LRP1B: variants seen among roughly 807,000 people sequenced by gnomAD.
LRP1B encodes the protein low-density lipoprotein receptor-related protein 1B.
LRP1B carries 217 observed loss-of-function variants against 556.6 expected under a neutral mutation model. The observed-to-expected ratio is 0.39, with a 90% CI of 0.35 to 0.44. The LOEUF (loss-of-function observed/expected upper bound fraction) is 0.44. LRP1B is among the 20% of genes least tolerant of loss of function. LRP1B has a pLI of 1.00. For missense variants in LRP1B, 5,053 were observed against 5,620.8 expected (o/e 0.90, Z 3.23); for synonymous variants, 2,047 against 1,865.8 (o/e 1.10, Z -2.50).
intron 31 of LRP1B, among the ~76,000 whole-genome samples, chr2:140,827,504 A>G (rs1321623295): frequency 1.3e-5 from 2 of 152,070 alleles, no homozygotes; most frequent in African/African-American, 4.8e-5. Context: ...AGGCAACAGC[A>G]GAATGGATCA....
intron 81 of LRP1B, among the ~76,000 whole-genome samples, chr2:140,322,553 T>TA (rs1680199287): frequency 8.6e-6 from 1 of 116,798 alleles, no homozygotes; most frequent in Non-Finnish European, 1.8e-5. Context: ...AGGATGAAAA[T>TA]GCATATGTAG....
rs115572823 is a variant in LRP1B, at chr2:141,934,198, A to G, written c.83-123797T>C. 8.3e-3 allele frequency among the ~76,000 whole-genome samples: 1,269 copies of G among 152,198 alleles called. 19 individuals are homozygous for G. The highest frequency in any genetic ancestry group is 0.028 in the African/African-American group (1,169 of 41,544). On this transcript the variant is annotated intron_variant, in intron 1 of 90. Coordinates refer to ENST00000389484, the MANE Select transcript of LRP1B (RefSeq NM_018557.3). ...GTTGATGACAGAATCAGTGAACTGG[A>G]AAATAAATCAATAGGAATCATAGAG...
At chr2:142,008,386 A>G (rs1702859904) in intron 1 of LRP1B, among the ~76,000 whole-genome samples, 2 of 152,200 alleles carry the variant, frequency 1.3e-5, no homozygotes, top group African/African-American at 4.8e-5. Context: ...TTCCTAGTGT[A>G]TAGAAAATGC....
rs142881345 is a variant in LRP1B at position 141,557,719 on chromosome 2, G to A, written c.206-77186C>T. On this transcript the variant is annotated intron_variant, in intron 2 of 90. Coordinates refer to ENST00000389484, the MANE Select transcript of LRP1B (RefSeq NM_018557.3). The stretch of plus-strand genomic sequence containing the variant: ...TTGTGGAATAAACCTTCCTATTCCC[G>A]CAGAGGGCCACCCTGCCTCTAGACT... Among the ~76,000 whole-genome samples, 85 of 152,012 alleles carry A rather than the reference G, an allele frequency of 5.6e-4. 1 individual carries two copies. Among genetic ancestry groups the A allele is most frequent in the East Asian group, 5.2e-3 (27 of 5,164 alleles).
intron 17 of LRP1B, among the ~76,000 whole-genome samples, chr2:140,982,579 G>T (rs1696803549): frequency 6.6e-6 from 1 of 152,052 alleles, no homozygotes; most frequent in Non-Finnish European, 1.5e-5. Context: ...CCCAGCACAT[G>T]CTTATGAATA....
At chr2:141,983,640 C>G (rs1190554513) in intron 1 of LRP1B, among the ~76,000 whole-genome samples, 1 of 152,112 alleles carries the variant, frequency 6.6e-6, no homozygotes, top group Admixed American at 6.6e-5. Flanking sequence ...ACATTTTTAA[C>G]AGTGAAAATC....
intron 3 of LRP1B, among the ~76,000 whole-genome samples, chr2:141,373,121 A>T (rs1689293879): frequency 6.6e-6 from 1 of 152,050 alleles, no homozygotes; most frequent in African/African-American, 2.4e-5. Flanking sequence ...CAAGAGCATG[A>T]TGTTTAATTT....
intron 43 of LRP1B, among the ~76,000 whole-genome samples, chr2:140,586,416 T>C (rs539385152): frequency 6.6e-6 from 1 of 152,176 alleles, no homozygotes. Context: ...AACTTTACTA[T>C]AGCCAGCCAC....
At chr2:141,123,948 A>T (rs1701131095) in intron 7 of LRP1B, among the ~76,000 whole-genome samples, 1 of 152,056 alleles carries the variant, frequency 6.6e-6, no homozygotes, top group East Asian at 1.9e-4. Flanking sequence ...TATAAGTGAT[A>T]GAGTAAATTG....
At chr2:142,053,837 AAGTG>A (rs1441363801) in intron 1 of LRP1B, among the ~76,000 whole-genome samples, 2 of 152,198 alleles carry the variant, frequency 1.3e-5, no homozygotes, top group Non-Finnish European at 2.9e-5. Flanking sequence ...ACTAAGAGTT[AAGTG>A]AGTAAGTCAG....
chr2:141,551,626 GACCATTCTTATAATTGGCTAC>G (rs1452520254), intron 2 of LRP1B, among the ~76,000 whole-genome samples: 2 of 151,980 alleles, frequency 1.3e-5, no homozygotes, highest in Admixed American at 1.3e-4. Context: ...ACCTAAACTG[GACCATTCTTATAATTGGCTAC>G]ATAGCATGCA....
intron 67 of LRP1B, among the ~76,000 whole-genome samples, chr2:140,384,237 T>C (rs981901667): frequency 1.3e-5 from 2 of 152,178 alleles, no homozygotes; most frequent in African/African-American, 4.8e-5. Context: ...AGTTACCTCA[T>C]AGATGATTAA....
At chr2:140,308,648 AGTTTTATGTATATCTAAC>A (rs1684165535) in intron 83 of LRP1B, among the ~76,000 whole-genome samples, 4 of 151,740 alleles carry the variant, frequency 2.6e-5, no homozygotes, top group African/African-American at 9.7e-5. Context: ...ATATCTAACT[AGTTTTATGTATATCTAAC>A]TAGTTTTATG....
At chr2:140,379,583 T>C (rs1683384463) in intron 67 of LRP1B, among the ~76,000 whole-genome samples, 1 of 152,016 alleles carries the variant, frequency 6.6e-6, no homozygotes, top group Admixed American at 6.6e-5. Flanking sequence ...TAATCCCAGC[T>C]ACTTGGGAGG....
intron 43 of LRP1B, among the ~76,000 whole-genome samples, chr2:140,546,000 T>TTTTGTGTG (rs374489389): frequency 7.0e-6 from 1 of 142,602 alleles, no homozygotes; most frequent in East Asian, 2.2e-4. Flanking sequence ...TATTATTAGG[T>TTTTGTGTG]TGTGTGTGTG....
chr2:141,729,196 T>A (rs188864267), intron 2 of LRP1B, among the ~76,000 whole-genome samples: 17 of 152,268 alleles, frequency 1.1e-4, no homozygotes, highest in Admixed American at 7.8e-4. Context: ...GTTTTTCAAG[T>A]GCTTACCTAC....
intron 1 of LRP1B, among the ~76,000 whole-genome samples, chr2:142,030,282 CA>C (rs1406338361): frequency 1.3e-5 from 2 of 151,892 alleles, no homozygotes; most frequent in Non-Finnish European, 2.9e-5. Context: ...CATTAAAAAT[CA>C]GTCAATATTT....
At chr2:141,690,878 G>T (rs554865620) in intron 2 of LRP1B, among the ~76,000 whole-genome samples, 14 of 151,828 alleles carry the variant, frequency 9.2e-5, no homozygotes, top group Admixed American at 5.3e-4. Flanking sequence ...CTCTTTCAGG[G>T]AGTCTCCCCT....
At chr2:141,553,802 TATAGATCTATATTA>T (rs1434230674) in intron 2 of LRP1B, among the ~76,000 whole-genome samples, 10 of 139,390 alleles carry the variant, frequency 7.2e-5, no homozygotes, top group Non-Finnish European at 1.4e-4. Context: ...AAATATATAT[TATAGATCTATATTA>T]ATAGATATAG....
Sources: gnomAD v4.1 joint callset for allele counts (sites outside exome capture counted in the v4.1 genomes callset) on GRCh38, gnomAD v4.1.1 for gene constraint, MANE v1.5 for transcripts, NCBI Gene and HGNC (gene_info 2026-07-23, HGNC 2026-07-21) for gene names.